The following GDAP1 variants were observed in gnomAD, a reference collection of about 807,000 sequenced individuals.
GDAP1 encodes the protein ganglioside induced differentiation associated protein 1, also known as ganglioside-induced differentiation-associated protein 1.
Under a neutral mutation model 40.1 loss-of-function variants are expected in GDAP1, and 34 were observed. The ratio of observed to expected loss-of-function variants is 0.85; its 90% CI spans 0.64 to 1.13. GDAP1 has a LOEUF of 1.13. Ranked by LOEUF, GDAP1 falls within the 50% of genes most tolerant of loss-of-function variation. GDAP1 has a pLI of 0.00. For missense variants in GDAP1, 374 were observed against 433.7 expected (o/e 0.86, Z 1.22); for synonymous variants, 170 against 157.4 (o/e 1.08, Z -0.60).
chr8:74,405,887 AC>A (rs1181677788), intron 2 of GDAP1, among the ~76,000 whole-genome samples: 1 of 149,836 alleles, frequency 6.7e-6, no homozygotes, highest in Non-Finnish European at 1.5e-5. Context: ...TGACATCGAG[AC>A]CATGAAGGGG....
At chr8:74,481,856 T>C (rs1806715448) in intron 2 of GDAP1, among the ~76,000 whole-genome samples, 1 of 152,176 alleles carries the variant, frequency 6.6e-6, no homozygotes, top group Admixed American at 6.5e-5. Flanking sequence ...TTGTTTGTTA[T>C]GGTTGATGAT....
chr8:74,480,569 A>G (rs1445899536), intron 2 of GDAP1, among the ~76,000 whole-genome samples: 2 of 152,194 alleles, frequency 1.3e-5, no homozygotes, highest in African/African-American at 4.8e-5. Flanking sequence ...TGATGTGTGA[A>G]TGGTATTGTC....
At chr8:74,428,556 T>G (rs765678170) in intron 2 of GDAP1, among the ~76,000 whole-genome samples, 2 of 144,706 alleles carry the variant, frequency 1.4e-5, no homozygotes, top group Non-Finnish European at 3.0e-5. Context: ...AACCTCTGCC[T>G]CCCAGATTCA....
chr8:74,404,464 T>A (rs1805610901), intron 2 of GDAP1, among the ~76,000 whole-genome samples: 1 of 149,374 alleles, frequency 6.7e-6, no homozygotes, highest in Non-Finnish European at 1.5e-5. Context: ...TATATAAATA[T>A]ATTTAATATA....
chr8:74,392,518 T>C (rs1418213412), intron 2 of GDAP1, among the ~76,000 whole-genome samples: 1 of 152,240 alleles, frequency 6.6e-6, no homozygotes, highest in African/African-American at 2.4e-5. Context: ...ATCTGTGGTG[T>C]AATATCATCT....
Position 74,364,075 on chromosome 8 carries a change from G to T in GDAP1, c.785G>T (p.Gly262Val). 3 of 1,614,086 alleles carry T rather than the reference G, an allele frequency of 1.9e-6. No homozygotes were observed. Among genetic ancestry groups the T allele is most frequent in the Non-Finnish European group, 2.5e-6 (3 of 1,179,974 alleles). Residue 262 changes from glycine (G) to valine (V), a missense_variant, in exon 6 of 6, where the codon GGG (glycine) becomes GTG (valine). By Grantham distance (109) the Gly-to-Val change is moderately radical. Transcript: ENST00000220822. ...ACATTGCATCGACTGAAGTTCCTGG[G>T]GTTTGCAAGGAGAAACTGGGGAAAC... ...AVTLHRLKFL[G>V]FARRNWGNGK...
Position 74,360,315 on chromosome 8 carries a change from G to A in GDAP1, c.484+5G>A. The A allele has an allele frequency of 1.2e-6, 2 of 1,608,818 alleles. No individual in the cohort carries two copies. The highest frequency in any genetic ancestry group is 2.2e-5 in the East Asian group (1 of 44,840). On this transcript the variant is annotated splice_donor_5th_base_variant and intron_variant, in intron 3 of 5. Coordinates refer to ENST00000220822, the MANE Select transcript of GDAP1 (RefSeq NM_018972.4). ...ATGCAACTACAAGGATTCGTAGTAT[G>A]TAAACATTTTAAAGACCTGGAATTC... is the stretch of plus-strand genomic sequence containing the variant.
intron 2 of GDAP1, among the ~76,000 whole-genome samples, chr8:74,482,961 G>A (rs1029049027): frequency 2.6e-5 from 4 of 152,146 alleles, no homozygotes; most frequent in Non-Finnish European, 2.9e-5. Context: ...AGACTTCCTG[G>A]ACTTGAATTC....
At chr8:74,444,210 GCGCGCACACACAC>G (rs1806202302) in intron 2 of GDAP1, among the ~76,000 whole-genome samples, 2 of 1,024 alleles carry the variant, frequency 2.0e-3, no homozygotes, top group Non-Finnish European at 4.9e-3. Context: ...ACACACACAC[GCGCGCACACACAC>G]ACACACACAC....
chr8:74,365,225 G>T lies in GDAP1; in HGVS notation c.*858G>T, dbSNP rs761964880. The T allele has an allele frequency of 1.1e-4, 50 of 453,970 alleles. No individual in the cohort carries two copies. The highest frequency in any genetic ancestry group is 1.4e-3 in the Middle Eastern group (2 of 1,466). 28.1% of individuals were successfully genotyped at this position (453,970 alleles called of 1,614,324 possible). On this transcript the variant is annotated 3_prime_UTR_variant, in exon 6 of 6. Coordinates refer to ENST00000220822, the MANE Select transcript of GDAP1 (RefSeq NM_018972.4). ...GGAGCACCAAATATGTTCATTCTTC[G>T]TTTGGGGAGGCTGGTCTGTAAACAC...
At chr8:74,406,405 A>G (rs1050805545) in intron 2 of GDAP1, among the ~76,000 whole-genome samples, 3 of 150,278 alleles carry the variant, frequency 2.0e-5, no homozygotes, top group African/African-American at 5.1e-5. Flanking sequence ...ACTGAGCCCT[A>G]TAAACACACA....
At chr8:74,403,561 C>T (rs766171374) in intron 2 of GDAP1, among the ~76,000 whole-genome samples, 2 of 150,176 alleles carry the variant, frequency 1.3e-5, no homozygotes, top group African/African-American at 2.5e-5. Context: ...ACACACTTAA[C>T]GTTTTAGCTT....
At chr8:74,469,891 T>G (rs1315985487) in intron 2 of GDAP1, among the ~76,000 whole-genome samples, 1 of 151,748 alleles carries the variant, frequency 6.6e-6, no homozygotes, top group Admixed American at 6.6e-5. Flanking sequence ...GGAGAATTGC[T>G]TGAACCTGGG....
At chr8:74,439,504 A>G (rs935841324) in intron 2 of GDAP1, among the ~76,000 whole-genome samples, 1 of 152,072 alleles carries the variant, frequency 6.6e-6, no homozygotes, top group South Asian at 2.1e-4. Context: ...CATAATTACT[A>G]TATTTTATAA....
At chr8:74,400,055 G>A (rs1810295153) in intron 2 of GDAP1, among the ~76,000 whole-genome samples, 1 of 147,608 alleles carries the variant, frequency 6.8e-6, no homozygotes, top group South Asian at 2.1e-4. Context: ...TTCTGTAGAT[G>A]TCTATTAGGT....
intron 2 of GDAP1, among the ~76,000 whole-genome samples, chr8:74,355,174 AT>A (rs35221214): frequency 6.6e-6 from 1 of 151,532 alleles, no homozygotes; most frequent in African/African-American, 2.4e-5. Context: ...GCTGTATTTG[AT>A]TTTTTTTTGG....
intron 2 of GDAP1, among the ~76,000 whole-genome samples, chr8:74,440,597 TAGA>T (rs1806150968): frequency 1.4e-5 from 1 of 73,162 alleles, no homozygotes; most frequent in Non-Finnish European, 2.6e-5. Context: ...ATTGTTACTT[TAGA>T]AGTCTTTTTT....
chr8:74,351,534 T>G, intron 2 of GDAP1, 68 bp downstream of exon 2: 3 of 1,116,198 alleles, frequency 2.7e-6, no homozygotes, highest in Non-Finnish European at 4.1e-6. Flanking sequence ...CCTTTCTCTT[T>G]TTCTCTCTCT....
chr8:74,410,363 G>A lies in GDAP1; in HGVS notation c.165+59042G>A, dbSNP rs141359893. Among the ~76,000 whole-genome samples the A allele has an allele frequency of 3.6e-3, 538 of 150,220 alleles. 8 individuals are homozygous for A. The highest frequency in any genetic ancestry group is 0.014 in the Middle Eastern group (4 of 294). On this transcript the variant is annotated intron_variant, in intron 2 of 2. Coordinates refer to the GDAP1 transcript ENST00000523640. ...TACATTTTTTACCATTAGCAGTAAT[G>A]GAGGCTTCATAACTAAATTAGAGTC... is the stretch of plus-strand genomic sequence containing the variant.
Sources: allele counts gnomAD v4.1 joint callset (sites outside exome capture counted in the v4.1 genomes callset), GRCh38; gene constraint gnomAD v4.1.1; transcripts MANE v1.5; gene names NCBI Gene and HGNC (gene_info 2026-07-23, HGNC 2026-07-21).